The following HRH1 variants were observed in gnomAD, a reference collection of about 807,000 sequenced individuals.
The protein encoded by HRH1 is histamine receptor H1, also known as histamine H1 receptor.
Under a neutral mutation model 10.3 loss-of-function variants are expected in HRH1, and 6 were observed. The ratio of observed to expected loss-of-function variants is 0.58; its 90% CI spans 0.32 to 1.15. The LOEUF is 1.15. Among genes scored for constraint, HRH1 ranks in the 50% most tolerant of loss-of-function variants. HRH1 has a pLI of 0.05. For missense variants in HRH1, 514 were observed against 615.3 expected, an observed-to-expected ratio of 0.84 and a Z score of 1.74; for synonymous variants, 242 against 236.7, an observed-to-expected ratio of 1.02 and a Z score of -0.21.
chr3:11,197,150 C>T (rs1188016370), intron 1 of HRH1, among the ~76,000 whole-genome samples: 3 of 150,614 alleles, frequency 2.0e-5, no homozygotes, highest in Non-Finnish European at 2.9e-5. Flanking sequence ...AGCAGAATCT[C>T]AGGCTGGCCC....
chr3:11,225,790 A>G (rs1362158376), intron 1 of HRH1, among the ~76,000 whole-genome samples: 2 of 152,158 alleles, frequency 1.3e-5, no homozygotes, highest in Non-Finnish European at 2.9e-5. Context: ...GGTTCAGGCG[A>G]CTCACATGCC....
intron 1 of HRH1, among the ~76,000 whole-genome samples, chr3:11,161,881 G>A (rs1033812617): frequency 6.6e-5 from 10 of 152,176 alleles, no homozygotes; most frequent in African/African-American, 2.2e-4. Flanking sequence ...GGGGCGGTGG[G>A]AAGGGCCGAT....
At chr3:11,179,279 C>CTTAAAAAAATAAATAAATAAATTTTA (rs1937304999) in intron 1 of HRH1, among the ~76,000 whole-genome samples, 1 of 150,280 alleles carries the variant, frequency 6.7e-6, no homozygotes, top group Non-Finnish European at 1.5e-5. Flanking sequence ...CAGAGCGAAA[C>CTTAAAAAAATAAATAAATAAATTTTA]TTCATCTTAA....
At chr3:11,144,893 A>G (rs1162171211) in intron 1 of HRH1, among the ~76,000 whole-genome samples, 2 of 152,100 alleles carry the variant, frequency 1.3e-5, no homozygotes, top group African/African-American at 4.8e-5. Context: ...ATAAATAAAT[A>G]AATAAATGTA....
At chr3:11,154,190 C>T (rs1936719938), upstream of HRH1, among the ~76,000 whole-genome samples, 1 of 152,162 alleles carries the variant, frequency 6.6e-6, no homozygotes, top group Admixed American at 6.5e-5. The surrounding 1 kb of genome is among the most constrained non-coding windows in gnomAD (Gnocchi z 4.4). Context: ...TTCTGCCACC[C>T]CTCCTTCCAA....
upstream of HRH1, among the ~76,000 whole-genome samples, chr3:11,151,060 G>A (rs375062404): frequency 1.6e-4 from 24 of 152,262 alleles, no homozygotes; most frequent in Admixed American, 5.2e-4. Flanking sequence ...GGCCTACAGC[G>A]GGCTGACTCT....
chr3:11,137,325 G>C (rs1270107458), exon 1 of HRH1: 1 of 152,302 alleles, frequency 6.6e-6, no homozygotes, highest in East Asian at 1.9e-4. Context: ...CACTCTGCTC[G>C]TGCACTGATG....
chr3:11,137,595 G>C (rs1378600494), intron 1 of HRH1, among the ~76,000 whole-genome samples: 1 of 152,122 alleles, frequency 6.6e-6, no homozygotes, highest in African/African-American at 2.4e-5. Context: ...GCACAAGGTG[G>C]GAGGAGTCAT....
intron 1 of HRH1, among the ~76,000 whole-genome samples, chr3:11,254,674 T>C (rs985995856): frequency 3.3e-5 from 5 of 152,184 alleles, no homozygotes; most frequent in African/African-American, 1.2e-4. Context: ...CGAGAAATGA[T>C]CTGAGACCCT....
chr3:11,229,613 G>C (rs559395964), intron 1 of HRH1, among the ~76,000 whole-genome samples: 1 of 151,946 alleles, frequency 6.6e-6, no homozygotes, highest in Non-Finnish European at 1.5e-5. Context: ...TTTGGTGCTG[G>C]GAGGTTTTCA....
At chr3:11,220,181 C>G (rs1206887700) in intron 1 of HRH1, among the ~76,000 whole-genome samples, 2 of 151,996 alleles carry the variant, frequency 1.3e-5, no homozygotes, top group Admixed American at 6.6e-5. Flanking sequence ...AAAACAATAC[C>G]TATCAATCCC....
chr3:11,182,764 A>G (rs1429112404), intron 1 of HRH1, among the ~76,000 whole-genome samples: 1 of 152,140 alleles, frequency 6.6e-6, no homozygotes, highest in Non-Finnish European at 1.5e-5. Context: ...AACTGCCCTG[A>G]GATGCTCCTA....
Position 11,260,644 on chromosome 3 carries a change from G to A in HRH1, c.*143G>A, listed in dbSNP as rs1005622610. 5.5e-6 allele frequency: 4 copies of A among 730,344 alleles called. No individual in the cohort carries two copies. The highest frequency in any genetic ancestry group is 9.3e-6 in the Non-Finnish European group (4 of 429,982). 45.2% of individuals were successfully genotyped at this position (730,344 alleles called of 1,614,324 possible). A position where few individuals can be genotyped will look rare whatever the true frequency, so the allele number is the denominator to read the frequency against. On this transcript the variant is annotated 3_prime_UTR_variant, in exon 2 of 2. Transcript: ENST00000431010. ...TCTTAGGGGCTTGGTAGTTTGGAAA[G>A]TTCTTAGGCACCATAGAAGAACAGC... is the stretch of plus-strand genomic sequence containing the variant.
At chr3:11,157,303 C>T (rs755740054) in intron 1 of HRH1, among the ~76,000 whole-genome samples, 1 of 152,124 alleles carries the variant, frequency 6.6e-6, no homozygotes, top group Non-Finnish European at 1.5e-5. Flanking sequence ...AGGAAAAAAG[C>T]AGATGGTATA....
chr3:11,152,101 C>T (rs146850088), upstream of HRH1, among the ~76,000 whole-genome samples: 42 of 152,254 alleles, frequency 2.8e-4, no homozygotes, highest in East Asian at 6.2e-3. Flanking sequence ...GGAAGACTTA[C>T]TAGCTGTATA....
intron 1 of HRH1, among the ~76,000 whole-genome samples, chr3:11,178,598 C>A (rs763001058): frequency 6.6e-6 from 1 of 152,174 alleles, no homozygotes; most frequent in Non-Finnish European, 1.5e-5. Flanking sequence ...AGAACTTCCA[C>A]CTTCCACCCC....
chr3:11,145,769 C>T (rs1383629573), intron 1 of HRH1, among the ~76,000 whole-genome samples: 3 of 151,890 alleles, frequency 2.0e-5, no homozygotes, highest in African/African-American at 7.3e-5. Flanking sequence ...AGAGGTACCA[C>T]TTCTAAAATC....
rs540924263 is a variant in HRH1, at chr3:11,261,350, G to A, written c.*849G>A. The A allele has an allele frequency of 6.0e-6, 1 of 167,002 alleles. No individual in the cohort carries two copies. Among genetic ancestry groups the A allele is most frequent in the Non-Finnish European group, 1.5e-5 (1 of 68,104 alleles). 10.3% of individuals were successfully genotyped at this position (167,002 alleles called of 1,614,324 possible). A position where few individuals can be genotyped will look rare whatever the true frequency, so the allele number is the denominator to read the frequency against. On this transcript the variant is annotated 3_prime_UTR_variant, in exon 2 of 2. Transcript: ENST00000431010. ...TGCCATATTTTTGAGGGCTGTACTA[G>A]GTTTATCTCATTTAAGCCCCACAAC...
At chr3:11,188,663 A>G (rs900858541) in intron 1 of HRH1, among the ~76,000 whole-genome samples, 2 of 152,244 alleles carry the variant, frequency 1.3e-5, no homozygotes, top group East Asian at 1.9e-4. Context: ...ATGTTCAACA[A>G]TAAGTTAATG....
Sources: gnomAD v4.1 joint callset for allele counts (sites outside exome capture counted in the v4.1 genomes callset) on GRCh38, gnomAD v4.1.1 for gene constraint, Gnocchi (gnomAD v3.1) non-coding constraint, MANE v1.5 for transcripts, NCBI Gene and HGNC (gene_info 2026-07-23, HGNC 2026-07-21) for gene names.